Variants in KLHL29 observed in about 807,000 individuals in gnomAD.
KLHL29 encodes the protein kelch-like protein 29.
A neutral mutation model predicts 80.4 loss-of-function variants in KLHL29; 21 were observed. The ratio of observed to expected loss-of-function variants is 0.26; its 90% CI spans 0.19 to 0.38. KLHL29 has a LOEUF of 0.38. KLHL29 is among the 10% of genes least tolerant of loss of function. KLHL29 has a pLI of 1.00. For missense variants in KLHL29, 867 were observed against 1,223.9 expected, an observed-to-expected ratio of 0.71 and a Z score of 4.35; for synonymous variants, 511 against 526.8, an observed-to-expected ratio of 0.97 and a Z score of 0.41.
chr2:23,703,330 T>C lies in KLHL29; in HGVS notation c.2250T>C (p.Ser750=), dbSNP rs1452660320. 6.5e-7 allele frequency: 1 copy of C among 1,542,512 alleles called. No homozygotes were observed. Among genetic ancestry groups the C allele is most frequent in the East Asian group, 2.5e-5 (1 of 40,772 alleles). The change falls in exon 12 of 14, where the codon TCT becomes TCC. Residue 750 remains serine (S), a synonymous_variant. Transcript: ENST00000486442. ...EAGRAAGVLQ[S]YVPQTNTWSF... ...GCCGAGCTGCCGGCGTCCTCCAGTC[T>C]TACGTTCCTCAGACCAACACGTGGA...
chr2:23,407,993 C>G (rs1474099322), intron 1 of KLHL29, among the ~76,000 whole-genome samples: 5 of 151,902 alleles, frequency 3.3e-5, no homozygotes, highest in Non-Finnish European at 7.4e-5. Context: ...CTCACTGCAA[C>G]TCCACCTCCC....
chr2:23,564,079 G>A (rs567530044), intron 3 of KLHL29, among the ~76,000 whole-genome samples: 71 of 152,368 alleles, frequency 4.7e-4, no homozygotes, highest in African/African-American at 1.6e-3. Context: ...CCGACTGCTC[G>A]GGGCTCCAGG....
Position 23,706,790 on chromosome 2 carries a change from A to G in KLHL29, c.*126A>G, listed in dbSNP as rs1672752180. On this transcript the variant is annotated 3_prime_UTR_variant, in exon 14 of 14. Transcript: ENST00000486442. ...ACAATCAAGGAACTCACTGCGCTCA[A>G]CATGTTGAATATTCTCTACATTGAA... 2 of 634,834 alleles carry G rather than the reference A, an allele frequency of 3.2e-6. No homozygotes were observed. The highest frequency in any genetic ancestry group is 5.2e-6 in the Non-Finnish European group (2 of 385,890). 39.3% of individuals were successfully genotyped at this position (634,834 alleles called of 1,614,324 possible).
At chr2:23,400,828 T>C (rs1481140702) in intron 1 of KLHL29, among the ~76,000 whole-genome samples, 1 of 152,160 alleles carries the variant, frequency 6.6e-6, no homozygotes, top group East Asian at 1.9e-4. Flanking sequence ...AGCAAGATCT[T>C]GTCTCTAAGT....
At chr2:23,668,556 G>C (rs1452408593) in intron 5 of KLHL29, 1 of 152,434 alleles carries the variant, frequency 6.6e-6, no homozygotes, top group African/African-American at 2.4e-5. Flanking sequence ...CCAGGGAGGA[G>C]GGAAGTGGTT....
At chr2:23,572,808 C>T (rs1425061726) in intron 3 of KLHL29, among the ~76,000 whole-genome samples, 5 of 151,498 alleles carry the variant, frequency 3.3e-5, no homozygotes, top group African/African-American at 4.9e-5. Flanking sequence ...TCACACCATT[C>T]TTCTGCCTCA....
chr2:23,675,740 G>C (rs958542283), intron 5 of KLHL29, among the ~76,000 whole-genome samples: 15 of 152,206 alleles, frequency 9.9e-5, no homozygotes, highest in Non-Finnish European at 1.6e-4. Flanking sequence ...CAATGCTTTA[G>C]CAACTGTAGA....
At chr2:23,510,565 A>T (rs1377176615) in intron 2 of KLHL29, among the ~76,000 whole-genome samples, 1 of 152,344 alleles carries the variant, frequency 6.6e-6, no homozygotes, top group African/African-American at 2.4e-5. Flanking sequence ...GGGTCTGCCC[A>T]CAGGGTCCCC....
chr2:23,501,365 G>A (rs1428488172), intron 2 of KLHL29, among the ~76,000 whole-genome samples: 5 of 152,064 alleles, frequency 3.3e-5, no homozygotes, highest in Admixed American at 2.0e-4. Flanking sequence ...TGGTCCCGGG[G>A]AAAGAGGCTA....
chr2:23,683,776 T>G (rs894444122), intron 5 of KLHL29, among the ~76,000 whole-genome samples: 1 of 152,146 alleles, frequency 6.6e-6, no homozygotes, highest in East Asian at 1.9e-4. Flanking sequence ...AGGGTCCCTG[T>G]CCCTTGCTTG....
At chr2:23,492,054 G>C (rs887387645) in intron 2 of KLHL29, among the ~76,000 whole-genome samples, 12 of 152,100 alleles carry the variant, frequency 7.9e-5, no homozygotes, top group Admixed American at 7.9e-4. Flanking sequence ...TTTCCCTCCA[G>C]TTCCTCTGGT....
chr2:23,604,136 GTTTTTTTAT>G (rs113951270), intron 3 of KLHL29, among the ~76,000 whole-genome samples: 60,549 of 150,898 alleles, frequency 0.4, 12,335 homozygotes, highest in East Asian at 0.64. Context: ...TTTCTTTTTT[GTTTTTTTAT>G]TTTTTTTATT....
At chr2:23,429,739 G>A (rs921205343) in intron 1 of KLHL29, among the ~76,000 whole-genome samples, 1 of 151,232 alleles carries the variant, frequency 6.6e-6, no homozygotes, top group Non-Finnish European at 1.5e-5. Context: ...GGATGACAGA[G>A]CAAGACTCTG....
intron 3 of KLHL29, chr2:23,616,972 C>T (rs1369173572): frequency 6.6e-6 from 1 of 152,230 alleles, no homozygotes; most frequent in Non-Finnish European, 1.5e-5. Context: ...ACCGCCGTAT[C>T]GCAGCGTGTT....
At chr2:23,563,653 C>G (rs1667510019) in intron 3 of KLHL29, among the ~76,000 whole-genome samples, 2 of 152,168 alleles carry the variant, frequency 1.3e-5, no homozygotes, top group African/African-American at 4.8e-5. Flanking sequence ...TGTGCTGCGC[C>G]TTTGTCTCCT....
At chr2:23,576,732 G>A (rs749831663) in intron 3 of KLHL29, among the ~76,000 whole-genome samples, 3 of 152,178 alleles carry the variant, frequency 2.0e-5, no homozygotes, top group South Asian at 4.1e-4. Flanking sequence ...TAACCGCCGC[G>A]TCCAGCAATG....
chr2:23,439,645 T>C lies in KLHL29; in HGVS notation c.-153-35915T>C, dbSNP rs528732206. 7.9e-5 allele frequency among the ~76,000 whole-genome samples: 12 copies of C among 152,298 alleles called. 1 individual carries two copies. In the South Asian group the frequency reaches 1.9e-3, roughly 24 times the overall value. ...CTCGAGTGAGTTTCTTAATCCTGAG[T>C]TCTAGTTTGATTGCACTGTGGTCTG... On this transcript the variant is annotated intron_variant, in intron 1 of 13. Coordinates refer to ENST00000486442, the MANE Select transcript of KLHL29 (RefSeq NM_052920.2).
chr2:23,427,186 G>A (rs1040305711), intron 1 of KLHL29, among the ~76,000 whole-genome samples: 1 of 152,158 alleles, frequency 6.6e-6, no homozygotes, highest in African/African-American at 2.4e-5. Flanking sequence ...GCCGAAAACT[G>A]TGCAAGAGCC....
At chr2:23,597,217 A>G (rs1378605501) in intron 3 of KLHL29, among the ~76,000 whole-genome samples, 4 of 149,652 alleles carry the variant, frequency 2.7e-5, no homozygotes, top group African/African-American at 9.9e-5. Context: ...TGATGAGGGC[A>G]TTGTTTCCTC....
Sources: gnomAD v4.1 joint callset for allele counts (sites outside exome capture counted in the v4.1 genomes callset) on GRCh38, gnomAD v4.1.1 for gene constraint, MANE v1.5 for transcripts, NCBI Gene and HGNC (gene_info 2026-07-23, HGNC 2026-07-21) for gene names.